The following LCAT variants were observed in gnomAD, a reference collection of about 807,000 sequenced individuals.
The protein encoded by LCAT is lecithin-cholesterol acyltransferase.
LCAT carries 15 observed loss-of-function variants against 41.0 expected under a neutral mutation model. The ratio of observed to expected loss-of-function variants is 0.37; its 90% confidence interval spans 0.24 to 0.56. The LOEUF is 0.56. Ranked by LOEUF, LCAT falls within the 20% of genes least tolerant of loss-of-function variation. LCAT has a pLI of 0.81. For missense variants in LCAT, 449 were observed against 595.1 expected (o/e 0.75, Z 2.55); for synonymous variants, 248 against 245.4 (o/e 1.01, Z -0.10).
rs2058295216 is a variant in LCAT at position 67,942,234 on chromosome 16, A to G, written c.748+129T>C. ...ACTGCTCTGGGGGCCAGTGACAGCA[A>G]GCATGCCAGCCCAGGAGTGGTAGAT... On this transcript the variant is annotated intron_variant, in intron 5 of 5. Transcript: ENST00000264005. This position sits in a 1 kb window ranked among gnomAD's most constrained non-coding sequence, Gnocchi z 6.6. 7.8e-7 allele frequency: 1 copy of G among 1,285,798 alleles called. No individual in the cohort carries two copies. The highest frequency in any genetic ancestry group is 2.5e-5 in the East Asian group (1 of 39,766). 79.6% of individuals were successfully genotyped at this position (1,285,798 alleles called of 1,614,324 possible). A position where few individuals can be genotyped will look rare whatever the true frequency, so the allele number is the denominator to read the frequency against.
At chr16:67,941,828 A>G (rs1292864030) in intron 5 of LCAT, 83 of 1,041,624 alleles carry the variant, frequency 8.0e-5, no homozygotes, top group Non-Finnish European at 9.6e-5. Flanking sequence ...TTTGATGTTT[A>G]TTGGTGGTGT....
chr16:67,943,384 C>CA lies in LCAT; in HGVS notation c.155-173dup. 1 of 676,158 alleles carries CA rather than the reference C, an allele frequency of 1.5e-6. No individual in the cohort carries two copies. Among genetic ancestry groups the CA allele is most frequent in the Non-Finnish European group, 2.6e-6 (1 of 382,666 alleles). The allele number at this position is 676,158 out of a possible 1,614,324, so 41.9% of individuals were successfully genotyped here. On this transcript the variant is annotated intron_variant, in intron 1 of 5. Coordinates refer to ENST00000264005, the MANE Select transcript of LCAT (RefSeq NM_000229.2). This position sits in a 1 kb window ranked among gnomAD's most constrained non-coding sequence, Gnocchi z 4.6. ...ACACCCCCTCTCCCTGCTGTCCCCC[C>CA]AGTAGCCAAAGCCCAGGCTTCCCTG...
Position 67,943,609 on chromosome 16 carries a change from C to A in LCAT, c.154+339G>T. 1 of 507,988 alleles carries A rather than the reference C, an allele frequency of 2.0e-6. No homozygotes were observed. Among genetic ancestry groups the A allele is most frequent in the Non-Finnish European group, 3.6e-6 (1 of 279,952 alleles). The allele number at this position is 507,988 out of a possible 1,614,324, so 31.5% of individuals were successfully genotyped here. A position where few individuals can be genotyped will look rare whatever the true frequency, so the allele number is the denominator to read the frequency against. On this transcript the variant is annotated intron_variant, in intron 1 of 5. Transcript: ENST00000264005. This position sits in a 1 kb window ranked among gnomAD's most constrained non-coding sequence, Gnocchi z 4.6. ...CCGATCCTGGGCTGGGCATCTTGTC[C>A]TTGGTGGGTGGGGGCCAAGGAAGGA...
In LCAT at chr16:67,943,154, G is replaced by A. The variant is rs774377825; in HGVS notation, c.213C>T (p.Asn71=). Residue 71 remains asparagine, a synonymous_variant, in exon 2 of 6, where the codon AAC becomes AAT. Coordinates refer to ENST00000264005, the MANE Select transcript of LCAT (RefSeq NM_000229.2). This position sits in a 1 kb window ranked among gnomAD's most constrained non-coding sequence, Gnocchi z 4.6. ...EAKLDKPDVV[N]WMCYRKTEDF... is the part of the protein sequence containing the mutation. ...CCTCTGTCTTGCGGTAGCACATCCA[G>A]TTCACCACATCTGGTTTGTCCAGCT... The A allele has an allele frequency of 1.9e-6, 3 of 1,613,948 alleles. No homozygotes were observed. Among genetic ancestry groups the A allele is most frequent in the Admixed American group, 3.3e-5 (2 of 60,016 alleles).
At position 67,940,047 on chromosome 16, in the gene LCAT, G is replaced by A; in HGVS notation, c.1180C>T (p.Leu394=). 5 of 1,613,542 alleles carry A rather than the reference G, an allele frequency of 3.1e-6. No individual in the cohort carries two copies. The highest frequency in any genetic ancestry group is 4.2e-6 in the Non-Finnish European group (5 of 1,180,026). ...QGRQPQPVHL[L]PLHGIQHLNM... is the part of the protein sequence containing the mutation. ...AGATGCTGTATCCCGTGCAGGGGCA[G>A]CAGGTGCACAGGCTGTGGCTGGCGG... is the stretch of plus-strand genomic sequence containing the variant. Residue 394 remains leucine (L), a synonymous_variant, in exon 6 of 6, where the codon CTG becomes TTG. Transcript: ENST00000264005.
intron 5 of LCAT, chr16:67,940,686 G>T (rs929035901): frequency 1.2e-6 from 1 of 860,240 alleles, no homozygotes; most frequent in Admixed American, 2.9e-5. Flanking sequence ...CCTCTGTTGG[G>T]TGGAGCTGTA....
Position 67,943,917 on chromosome 16 carries a change from G to T in LCAT, c.154+31C>A. ...GGGCCCAGGCTCCCCAGGGTCTGGC[G>T]TGGTGCATCAGGGGCCTGGTGGGGG... On this transcript the variant is annotated intron_variant, in intron 1 of 5. Transcript: ENST00000264005. This position sits in a 1 kb window ranked among gnomAD's most constrained non-coding sequence, Gnocchi z 4.6. The T allele has an allele frequency of 1.3e-6, 2 of 1,529,366 alleles. No individual in the cohort carries two copies. The highest frequency in any genetic ancestry group is 1.8e-6 in the Non-Finnish European group (2 of 1,133,554). The allele number at this position is 1,529,366 out of a possible 1,614,324, so 94.7% of individuals were successfully genotyped here.
chr16:67,940,692 C>G (rs1341507953), intron 5 of LCAT: 4 of 796,634 alleles, frequency 5.0e-6, no homozygotes, highest in Non-Finnish European at 7.6e-6. Context: ...TTGGGTGGAG[C>G]TGTAGGGCTT....
In LCAT at chr16:67,940,432, C is replaced by G; in HGVS notation, c.795G>C (p.Glu265Asp). The G allele has an allele frequency of 6.2e-7, 1 of 1,614,130 alleles. No individual in the cohort carries two copies. ...GGGAGGTGGTGGTTATGCGCTGCTC[C>G]TCTTTCAGCTTGATGCTGGACATGA... ...IPIMSSIKLKEEQRITTTSPW... is the reference protein window; with the variant it reads ...IPIMSSIKLKDEQRITTTSPW... The change falls in exon 6 of 6, where the codon GAG becomes GAC. Residue 265 changes from glutamate to aspartate, a missense_variant. Coordinates refer to ENST00000264005, the MANE Select transcript of LCAT (RefSeq NM_000229.2).
Position 67,942,763 on chromosome 16 carries a change from T to G in LCAT, c.431A>C (p.Tyr144Ser). 1.2e-6 allele frequency: 2 copies of G among 1,612,830 alleles called. No individual in the cohort carries two copies. Among genetic ancestry groups the G allele is most frequent in the Non-Finnish European group, 1.7e-6 (2 of 1,179,856 alleles). ...CAGGTTCTGCACCAGTGTGTGCAGG[T>G]ACCCTGTGGGGGGACCAGCAGCACC... ...EYLDSSKLAG[Y>S]LHTLVQNLVN... is the part of the protein sequence containing the mutation. The change falls in exon 4 of 6, where the codon TAC becomes TCC. Residue 144 changes from tyrosine to serine, a missense_variant. Physicochemically the swap from Tyr to Ser is moderately radical, Grantham distance 144. Coordinates refer to ENST00000264005, the MANE Select transcript of LCAT (RefSeq NM_000229.2). This position sits in a 1 kb window ranked among gnomAD's most constrained non-coding sequence, Gnocchi z 6.6.
rs145126045 is a variant in LCAT at position 67,940,095 on chromosome 16, C to T, written c.1132G>A (p.Glu378Lys). ...GDDTVATRST[E>K]LCGLWQGRQP... Reference sequence around the variant, plus strand: ...CGGCCCTGCCACAGGCCACAGAGCTCGGTGCTGCGGGTCGCCACCGTGTCA... The same window carrying T: ...CGGCCCTGCCACAGGCCACAGAGCTTGGTGCTGCGGGTCGCCACCGTGTCA... The change falls in exon 6 of 6, where the codon GAG becomes AAG. Residue 378 changes from glutamate (E) to lysine (K), a missense_variant. Transcript: ENST00000264005. 7.0e-4 allele frequency: 1,133 copies of T among 1,613,130 alleles called. 5 individuals carry two copies. The highest frequency in any genetic ancestry group is 4.9e-4 in the Middle Eastern group (3 of 6,062).
Position 67,942,754 on chromosome 16 carries a change from G to C in LCAT, c.440C>G (p.Thr147Arg). 1 of 1,612,880 alleles carries C rather than the reference G, an allele frequency of 6.2e-7. No individual in the cohort carries two copies. The highest frequency in any genetic ancestry group is 8.5e-7 in the Non-Finnish European group (1 of 1,179,902). ...ATTGTTGACCAGGTTCTGCACCAGT[G>C]TGTGCAGGTACCCTGTGGGGGGACC... ...DSSKLAGYLH[T>R]LVQNLVNNGY... is the part of the protein sequence containing the mutation. The change falls in exon 4 of 6, where the codon ACA (threonine) becomes AGA (arginine). Residue 147 changes from threonine to arginine, a missense_variant. By Grantham distance (71) the Thr-to-Arg change is moderately conservative (BLOSUM62 -1). Transcript: ENST00000264005. This position sits in a 1 kb window ranked among gnomAD's most constrained non-coding sequence, Gnocchi z 6.6.
Position 67,944,035 on chromosome 16 carries a change from C to T in LCAT, c.67G>A (p.Ala23Thr), listed in dbSNP as rs544182517. 1.7e-5 allele frequency: 26 copies of T among 1,547,192 alleles called. No homozygotes were observed. The highest frequency in any genetic ancestry group is 1.1e-4 in the South Asian group (9 of 83,808). The change falls in exon 1 of 6, where the codon GCC becomes ACC. Residue 23 changes from alanine (A) to threonine (T), a missense_variant. By Grantham distance (58) the Ala-to-Thr change is moderately conservative. Coordinates refer to ENST00000264005, the MANE Select transcript of LCAT (RefSeq NM_000229.2). This position sits in a 1 kb window ranked among gnomAD's most constrained non-coding sequence, Gnocchi z 6.6. ...AGCACATTGAGGAGCCAGAAGGGGG[C>T]GGCAGGAGGGAGCAGCAGCCCCAGC... ...LLLGLLLPPA[A>T]PFWLLNVLFP...
rs1346575317 is a variant in LCAT at position 67,943,650 on chromosome 16, CCA to C, written c.154+296_154+297del. The C allele has an allele frequency of 1.3e-5, 7 of 529,656 alleles. No individual in the cohort carries two copies. Among genetic ancestry groups the C allele is most frequent in the African/African-American group, 5.7e-5 (3 of 52,588 alleles). The allele number at this position is 529,656 out of a possible 1,614,324, so 32.8% of individuals were successfully genotyped here. On this transcript the variant is annotated intron_variant, in intron 1 of 5. Coordinates refer to ENST00000264005, the MANE Select transcript of LCAT (RefSeq NM_000229.2). The surrounding 1 kb of genome is among the most constrained non-coding windows in gnomAD (Gnocchi z 4.6). ...CAAGGAAGGAGTGGTGGGGCTTGGC[CCA>C]GAGTCTGGTGTGGCTGTGACTGACC...
chr16:67,939,882 T>C lies in LCAT; in HGVS notation c.*22A>G. ...CAACCTGAAACATAGCCATCAGGGC[T>C]TACGGTAGCAAAGGAAGGTCTTTAT... On this transcript the variant is annotated 3_prime_UTR_variant, in exon 6 of 6. Coordinates refer to ENST00000264005, the MANE Select transcript of LCAT (RefSeq NM_000229.2). The C allele has an allele frequency of 6.2e-7, 1 of 1,607,598 alleles. No individual in the cohort carries two copies.
Position 67,942,925 on chromosome 16 carries a change from C to T in LCAT, c.363G>A (p.Gln121=). 6.2e-7 allele frequency: 1 copy of T among 1,613,938 alleles called. No homozygotes were observed. Among genetic ancestry groups the T allele is most frequent in the Non-Finnish European group, 8.5e-7 (1 of 1,179,980 alleles). ...SGLVSNAPGV[Q]IRVPGFGKTY... is the part of the protein sequence containing the mutation. ...TCTTGCCAAAGCCAGGGACGCGGAT[C>T]TGGACACCAGGGGCGTTGGACACGA... The change falls in exon 3 of 6, where the codon CAG becomes CAA. Residue 121 remains glutamine, a synonymous_variant. Transcript: ENST00000264005. This position sits in a 1 kb window ranked among gnomAD's most constrained non-coding sequence, Gnocchi z 6.6.
In LCAT at chr16:67,939,862, T is replaced by G. The variant is rs763214858; in HGVS notation, c.*42A>C. The G allele has an allele frequency of 4.3e-5, 69 of 1,591,882 alleles. No homozygotes were observed. Among genetic ancestry groups the G allele is most frequent in the Non-Finnish European group, 5.8e-5 (68 of 1,166,760 alleles). On this transcript the variant is annotated 3_prime_UTR_variant, in exon 6 of 6. Transcript: ENST00000264005. ...GGGACTCTAGTGCCTCCCTTCAACC[T>G]GAAACATAGCCATCAGGGCTTACGG...
intron 5 of LCAT, 76 bp from the exon 6 acceptor site, chr16:67,940,554 C>T: frequency 2.5e-6 from 4 of 1,587,582 alleles, no homozygotes; most frequent in Non-Finnish European, 3.4e-6. Flanking sequence ...AGTGTAGGCT[C>T]AGCCAGATGC....
rs5924 is a variant in LCAT, at chr16:67,940,327, A to G, written c.900T>C (p.Arg300=). The change falls in exon 6 of 6, where the codon CGT becomes CGC. Residue 300 remains arginine (R), a synonymous_variant. Transcript: ENST00000264005. ...ISTPSFNYTG[R]DFQRFFADLH... is the part of the protein sequence containing the mutation. Reference sequence around the variant, plus strand: ...GGTCTGCAAAGAAGCGTTGGAAGTCACGGCCTGTGTAGTTGAAGCTGGGTG... The same window carrying G: ...GGTCTGCAAAGAAGCGTTGGAAGTCGCGGCCTGTGTAGTTGAAGCTGGGTG... 10 of 1,614,158 alleles carry G rather than the reference A, an allele frequency of 6.2e-6. No individual in the cohort carries two copies. The African/African-American group carries it at 1.1e-4, about 17-fold the overall frequency.
Sources: allele counts gnomAD v4.1 joint callset, GRCh38; gene constraint gnomAD v4.1.1; non-coding constraint Gnocchi (gnomAD v3.1); transcripts MANE v1.5; gene names NCBI Gene and HGNC (gene_info 2026-07-23, HGNC 2026-07-21).